The following KPNA7 variants were observed in gnomAD, a reference collection of about 807,000 sequenced individuals.
The protein encoded by KPNA7 is karyopherin subunit alpha 7.
A neutral mutation model predicts 53.7 loss-of-function variants in KPNA7; 54 were observed. That is an observed-to-expected ratio of 1.01 (90% CI 0.81 to 1.26). KPNA7 has a LOEUF of 1.26. KPNA7 is among the 50% of genes most tolerant of loss of function. The pLI, the probability that KPNA7 is intolerant of heterozygous loss-of-function variation, is 0.00. For synonymous variants in KPNA7, 276 were observed against 259.3 expected (o/e 1.06, Z -0.62); for missense variants, 640 against 644.5 (o/e 0.99, Z 0.07).
At chr7:99,170,826 A>G (rs1798758122), downstream of KPNA7, among the ~76,000 whole-genome samples, 5 of 152,178 alleles carry the variant, frequency 3.3e-5, no homozygotes, top group Non-Finnish European at 7.4e-5. Context: ...AGAGTAGAAG[A>G]CTTTGAACCC....
In KPNA7 at chr7:99,183,984, A is replaced by G. The variant is rs531611857; in HGVS notation, c.1134+945T>C. 6.1e-4 allele frequency among the ~76,000 whole-genome samples: 93 copies of G among 152,038 alleles called. 1 individual carries two copies. The highest frequency in any genetic ancestry group is 2.2e-3 in the African/African-American group (92 of 41,462). ...GTCTTAGGCCTCCCAAGTAGCTGGG[A>G]TTACAGGCACCCACCACCACACCTG... On this transcript the variant is annotated intron_variant, in intron 8 of 10. Transcript: ENST00000327442.
At chr7:99,189,838 T>C (rs565910922) in intron 6 of KPNA7, among the ~76,000 whole-genome samples, 28 of 152,254 alleles carry the variant, frequency 1.8e-4, no homozygotes, top group South Asian at 6.2e-4. Context: ...GGGATCCTCC[T>C]GCCTCGGCCT....
At chr7:99,195,376 A>C (rs78998997) in intron 4 of KPNA7, 38 bp from the exon 5 acceptor site, 137,204 of 1,539,268 alleles carry the variant, frequency 0.089, 6,649 homozygotes, top group East Asian at 0.17. Flanking sequence ...GGGGGAGGTC[A>C]AGTGAGAGAG....
intron 8 of KPNA7, among the ~76,000 whole-genome samples, chr7:99,183,834 A>G (rs17147666): frequency 1.3e-5 from 2 of 151,956 alleles, no homozygotes; most frequent in African/African-American, 4.8e-5. Flanking sequence ...ACAAATCAGG[A>G]GAAATAATGT....
chr7:99,178,149 C>T (rs1798991121), intron 9 of KPNA7, 83 bp from the exon 10 acceptor site: 2 of 1,268,372 alleles, frequency 1.6e-6, no homozygotes, highest in Non-Finnish European at 2.2e-6. Context: ...AAGGGAGCTG[C>T]CCCGAGTGGA....
chr7:99,156,094 C>A, the KPNA7 span, among the ~76,000 whole-genome samples: 67 of 152,242 alleles, frequency 4.4e-4, no homozygotes, highest in Admixed American at 9.8e-4. Flanking sequence ...GGGTTGGTTT[C>A]ATCATTTCTT....
intron 8 of KPNA7, among the ~76,000 whole-genome samples, chr7:99,182,578 T>C (rs1203472547): frequency 2.0e-5 from 3 of 151,954 alleles, no homozygotes; most frequent in Non-Finnish European, 2.9e-5. Flanking sequence ...CAAGTGATCC[T>C]CCCATCTCGG....
intron 3 of KPNA7, among the ~76,000 whole-genome samples, chr7:99,202,112 CAG>C (rs1158088651): frequency 6.6e-6 from 1 of 152,108 alleles, no homozygotes; most frequent in Non-Finnish European, 1.5e-5. Context: ...TATGGCAACT[CAG>C]AATGACTGTA....
At chr7:99,213,643 C>G (rs1791132874) in intron 1 of KPNA7, among the ~76,000 whole-genome samples, 1 of 151,928 alleles carries the variant, frequency 6.6e-6, no homozygotes, top group Admixed American at 6.6e-5. Flanking sequence ...TGGGGTCTTA[C>G]TCTGTCACCC....
the KPNA7 span, among the ~76,000 whole-genome samples, chr7:99,167,981 T>TCCCCCCCC: frequency 7.1e-4 from 97 of 137,460 alleles, no homozygotes; most frequent in African/African-American, 9.1e-4. Context: ...CCCAAACCAT[T>TCCCCCCCC]CCCCCACCCC....
chr7:99,162,507 G>A, the KPNA7 span, among the ~76,000 whole-genome samples: 3 of 152,132 alleles, frequency 2.0e-5, no homozygotes, highest in African/African-American at 7.2e-5. Flanking sequence ...CTAAGCAGGT[G>A]GGCACCCAGC....
In KPNA7 at chr7:99,215,975, T is replaced by TA. The variant is rs77323325; in HGVS notation, c.-23-8487dup. On this transcript the variant is annotated intron_variant, in intron 1 of 10. Coordinates refer to the KPNA7 transcript ENST00000681060. The stretch of plus-strand genomic sequence containing the variant: ...CTAGGCAAGAGATCCCTTCTCTAAT[T>TA]AAAAAAAAAAAAAAAAGAAAAGCAC... 5.9e-3 allele frequency among the ~76,000 whole-genome samples: 788 copies of TA among 133,752 alleles called. 4 individuals are homozygous for TA. Among genetic ancestry groups the TA allele is most frequent in the East Asian group, 0.034 (161 of 4,688 alleles). The allele number at this position is 133,752 out of a possible 152,430, so 87.7% of individuals were successfully genotyped here.
chr7:99,163,272 G>GT, the KPNA7 span, among the ~76,000 whole-genome samples: 2 of 138,922 alleles, frequency 1.4e-5, no homozygotes, highest in African/African-American at 2.7e-5. Flanking sequence ...TTTTCAATAT[G>GT]TTTTTTCAAT....
At chr7:99,168,450 G>A in the KPNA7 span, among the ~76,000 whole-genome samples, 1 of 152,138 alleles carries the variant, frequency 6.6e-6, no homozygotes, top group South Asian at 2.1e-4. Flanking sequence ...CAGACCAGAA[G>A]GGTAAATCCT....
chr7:99,193,375 G>A (rs539858008), intron 5 of KPNA7, among the ~76,000 whole-genome samples: 3 of 152,304 alleles, frequency 2.0e-5, no homozygotes, highest in East Asian at 3.9e-4. Context: ...TCACAGCATG[G>A]TTCTCAGGAA....
intron 10 of KPNA7, among the ~76,000 whole-genome samples, chr7:99,174,267 G>A (rs1292006570): frequency 6.6e-6 from 1 of 151,146 alleles, no homozygotes; most frequent in Non-Finnish European, 1.5e-5. Context: ...AGTGCCTGAT[G>A]ATCTGTCAAC....
Position 99,193,058 on chromosome 7 carries a change from G to A in KPNA7, c.597C>T (p.Ala199=), listed in dbSNP as rs1049295890. ...EFRDNVITSN[A]IPHLLALISP... ...AAATCAAGGCTAGGAGATGTGGGAT[G>A]GCATTGCTTGTGATGACGTTATCTC... is the stretch of plus-strand genomic sequence containing the variant. The change falls in exon 6 of 11, where the codon GCC becomes GCT. Residue 199 remains alanine (A), a synonymous_variant. Coordinates refer to ENST00000327442, the MANE Select transcript of KPNA7 (RefSeq NM_001145715.3). 6.0e-6 allele frequency: 9 copies of A among 1,511,760 alleles called. No homozygotes were observed. In the African/African-American group the frequency reaches 7.1e-5, roughly 12 times the overall value. 93.6% of individuals were successfully genotyped at this position (1,511,760 alleles called of 1,614,324 possible).
downstream of KPNA7, among the ~76,000 whole-genome samples, chr7:99,170,227 CAACA>C (rs562085690): frequency 1.1e-4 from 16 of 152,240 alleles, no homozygotes; most frequent in Non-Finnish European, 1.9e-4. Flanking sequence ...ACCAAACTAA[CAACA>C]AACACCCCCC....
At chr7:99,146,240 C>A in the KPNA7 span, among the ~76,000 whole-genome samples, 1 of 152,112 alleles carries the variant, frequency 6.6e-6, no homozygotes, top group Admixed American at 6.6e-5. Context: ...TGTTTTTCTC[C>A]CCGCCCCGAC....
Sources: allele counts gnomAD v4.1 joint callset (sites outside exome capture counted in the v4.1 genomes callset), GRCh38; gene constraint gnomAD v4.1.1; transcripts MANE v1.5; gene names NCBI Gene and HGNC (gene_info 2026-07-23, HGNC 2026-07-21).